AP5M1: variants seen among roughly 807,000 people sequenced by gnomAD.
The protein encoded by AP5M1 is adaptor related protein complex 5 subunit mu 1.
A neutral mutation model predicts 52.3 loss-of-function variants in AP5M1; 44 were observed. That is an observed-to-expected ratio of 0.84 (90% CI 0.66 to 1.08). The LOEUF is 1.08. AP5M1 is among the 50% of genes least tolerant of loss of function. The probability of loss-of-function intolerance (pLI) is 0.00; values close to 1 mark genes in which losing one functional copy is unlikely to be tolerated. For synonymous variants in AP5M1, 213 were observed against 199.0 expected (o/e 1.07, Z -0.59); for missense variants, 526 against 568.4 (o/e 0.93, Z 0.76).
At position 57,291,913 on chromosome 14, in the gene AP5M1, G is replaced by T. The variant is rs775472802; in HGVS notation, c.*3029G>T. On this transcript the variant is annotated 3_prime_UTR_variant, in exon 8 of 8. Transcript: ENST00000261558. Reference sequence around the variant, plus strand: ...TAGGGACTGCTGCCACAACAGAGTGGTTGTTCCTAAGACAAAGGTCAAAAA... The same window carrying T: ...TAGGGACTGCTGCCACAACAGAGTGTTTGTTCCTAAGACAAAGGTCAAAAA... 2.6e-5 allele frequency: 4 copies of T among 151,750 alleles called. No homozygotes were observed. The highest frequency in any genetic ancestry group is 5.9e-5 in the Non-Finnish European group (4 of 67,804). 9.4% of individuals were successfully genotyped at this position (151,750 alleles called of 1,614,324 possible).
chr14:57,277,660 T>C (rs1387905664), intron 2 of AP5M1, among the ~76,000 whole-genome samples: 3 of 149,520 alleles, frequency 2.0e-5, no homozygotes, highest in East Asian at 1.9e-4. Flanking sequence ...AGTACTTACA[T>C]TGTAAAGCAG....
At chr14:57,275,054 C>G (rs755900370) in intron 2 of AP5M1, 165 bp downstream of exon 2, 4 of 696,738 alleles carry the variant, frequency 5.7e-6, no homozygotes, top group East Asian at 5.4e-5. Context: ...GCATTCCTTA[C>G]CAATTATATT....
intron 4 of AP5M1, 69 bp downstream of exon 4, chr14:57,282,297 TTG>T (rs568916914): frequency 1.4e-5 from 17 of 1,213,494 alleles, no homozygotes; most frequent in Non-Finnish European, 1.9e-5. Context: ...CCACAGTAAA[TTG>T]TCTTTGTCTT....
rs1209432971 is a variant in AP5M1, at chr14:57,283,125, A to C, written c.1188A>C (p.Pro396=). ...LLIWIIGQKF[P]KSMEISLSGT... is the part of the protein sequence containing the mutation. ...TTTGTGTTTTAGGCCAGAAGTTCCC[A>C]AAATCAATGGAAATTAGTCTTTCTG... Residue 396 remains proline, a synonymous_variant, in exon 6 of 8, where the codon CCA becomes CCC. Transcript: ENST00000261558. The C allele has an allele frequency of 6.2e-7, 1 of 1,612,088 alleles. No homozygotes were observed. Among genetic ancestry groups the C allele is most frequent in the East Asian group, 2.2e-5 (1 of 44,828 alleles).
chr14:57,275,115 T>C, intron 2 of AP5M1: 1 of 557,068 alleles, frequency 1.8e-6, no homozygotes, highest in Non-Finnish European at 3.1e-6. Flanking sequence ...AAAATAGACA[T>C]TTATTATTTT....
intron 7 of AP5M1, among the ~76,000 whole-genome samples, chr14:57,287,984 C>T (rs772862741): frequency 2.0e-5 from 3 of 151,954 alleles, no homozygotes; most frequent in Non-Finnish European, 4.4e-5. Flanking sequence ...GGCAGAACTG[C>T]GAGTCAGATA....
Position 57,297,955 on chromosome 14 carries a change from T to G in AP5M1, c.*9071T>G, listed in dbSNP as rs1885586529. ...CTGCGATTGCCATCTTTAGCACTTT[T>G]CAGAGAATTTGTTGCCATTTATGAC... is the stretch of plus-strand genomic sequence containing the variant. On this transcript the variant is annotated 3_prime_UTR_variant, in exon 8 of 8. Coordinates refer to ENST00000261558, the MANE Select transcript of AP5M1 (RefSeq NM_018229.4). The G allele has an allele frequency of 6.6e-6, 1 of 152,180 alleles. No individual in the cohort carries two copies. Among genetic ancestry groups the G allele is most frequent in the Non-Finnish European group, 1.5e-5 (1 of 68,040 alleles). The allele number at this position is 152,180 out of a possible 1,614,324, so 9.4% of individuals were successfully genotyped here.
Position 57,290,033 on chromosome 14 carries a change from A to G in AP5M1, c.*1149A>G, listed in dbSNP as rs1342431349. On this transcript the variant is annotated 3_prime_UTR_variant, in exon 8 of 8. Coordinates refer to ENST00000261558, the MANE Select transcript of AP5M1 (RefSeq NM_018229.4). The stretch of plus-strand genomic sequence containing the variant: ...AAAACTTCATTCATGTCTTTTTACA[A>G]ATGAGAAAAAAAAATGCATTAAAGA... The G allele has an allele frequency of 6.6e-6, 1 of 151,786 alleles. No individual in the cohort carries two copies. 9.4% of individuals were successfully genotyped at this position (151,786 alleles called of 1,614,324 possible).
intron 1 of AP5M1, chr14:57,273,773 T>G: frequency 1.4e-6 from 1 of 700,992 alleles, no homozygotes; most frequent in South Asian, 1.5e-5. Context: ...GAACATTCCT[T>G]TTAAAATTGT....
chr14:57,274,083 A>G (rs75773033), intron 1 of AP5M1, among the ~76,000 whole-genome samples, 161 bp from the exon 2 acceptor site: 2 of 152,226 alleles, frequency 1.3e-5, no homozygotes, highest in East Asian at 3.9e-4. Context: ...GGTCATTATA[A>G]TTTTTTGGTT....
chr14:57,275,875 A>G (rs1336682135), intron 2 of AP5M1, among the ~76,000 whole-genome samples: 3 of 152,226 alleles, frequency 2.0e-5, no homozygotes, highest in Non-Finnish European at 4.4e-5. Context: ...TCCTCCAGGT[A>G]AACTTCCTAC....
In AP5M1 at chr14:57,295,717, A is replaced by G. The variant is rs1885537271; in HGVS notation, c.*6833A>G. 1 of 138,414 alleles carries G rather than the reference A, an allele frequency of 7.2e-6. No homozygotes were observed. The highest frequency in any genetic ancestry group is 7.1e-5 in the Admixed American group (1 of 14,042). 8.6% of individuals were successfully genotyped at this position (138,414 alleles called of 1,614,324 possible). On this transcript the variant is annotated 3_prime_UTR_variant, in exon 8 of 8. Transcript: ENST00000261558. ...TTGTCTCTAGGAAATATATTCCATT[A>G]AAAAAAAAAAGAAAGAAACTCATTT...
chr14:57,285,180 A>G (rs1885277965), intron 6 of AP5M1, among the ~76,000 whole-genome samples: 1 of 152,220 alleles, frequency 6.6e-6, no homozygotes, highest in South Asian at 2.1e-4. Context: ...TCAGAAGTAT[A>G]CTGATGATAA....
At chr14:57,277,375 A>C (rs1885065746) in intron 2 of AP5M1, among the ~76,000 whole-genome samples, 1 of 152,172 alleles carries the variant, frequency 6.6e-6, no homozygotes, top group African/African-American at 2.4e-5. Flanking sequence ...AATATTATTA[A>C]ATTTTAATGG....
In AP5M1 at chr14:57,295,822, AAAT is replaced by A. The variant is rs1885540210; in HGVS notation, c.*6944_*6946del. On this transcript the variant is annotated 3_prime_UTR_variant, in exon 8 of 8. Transcript: ENST00000261558. ...CCTCCCAGAAGCTGCAATACATAAG[AAAT>A]AATAAGCTGAAAATAATCAAAAAAT... 6.6e-6 allele frequency: 1 copy of A among 152,090 alleles called. No individual in the cohort carries two copies. Among genetic ancestry groups the A allele is most frequent in the Middle Eastern group, 3.4e-3 (1 of 294 alleles). The allele number at this position is 152,090 out of a possible 1,614,324, so 9.4% of individuals were successfully genotyped here. A position where few individuals can be genotyped will look rare whatever the true frequency, so the allele number is the denominator to read the frequency against.
intron 1 of AP5M1, among the ~76,000 whole-genome samples, chr14:57,269,644 C>T (rs1884828549): frequency 6.6e-6 from 1 of 152,078 alleles, no homozygotes; most frequent in Non-Finnish European, 1.5e-5. Context: ...TTAAAATGAC[C>T]TCCGTCTGCT....
At position 57,274,887 on chromosome 14, in the gene AP5M1, A is replaced by G. The variant is rs1884987322; in HGVS notation, c.718A>G (p.Lys240Glu). Reference sequence around the variant, plus strand: ...GCAAGTTGTTGGAACAGTGACTTGCAAGGTGAGATTTTTCTCTGGTACTTG... The same window carrying G: ...GCAAGTTGTTGGAACAGTGACTTGCGAGGTGAGATTTTTCTCTGGTACTTG... ...TWQVVGTVTC[K>E]CDLEGIMPNV... Residue 240 changes from lysine to glutamate, a missense_variant and splice_region_variant, in exon 2 of 8, where the codon AAG becomes GAG. Around this residue, in one of 3 missense-constraint regions of AP5M1, gnomAD observed 425 missense variants for 430.6 expected, o/e 0.99. Coordinates refer to ENST00000261558, the MANE Select transcript of AP5M1 (RefSeq NM_018229.4). 1.2e-6 allele frequency: 2 copies of G among 1,614,156 alleles called. No homozygotes were observed. Among genetic ancestry groups the G allele is most frequent in the Admixed American group, 3.3e-5 (2 of 60,026 alleles).
chr14:57,272,277 G>A lies in AP5M1; in HGVS notation c.75-1967G>A, dbSNP rs1884913470. Reference sequence around the variant, plus strand: ...TATTTTCAGTTTTCTAACCTCTTGGGGGAGGTGTTAGAGCTACACAGATAG... The same window carrying A: ...TATTTTCAGTTTTCTAACCTCTTGGAGGAGGTGTTAGAGCTACACAGATAG... On this transcript the variant is annotated intron_variant, in intron 1 of 7. Coordinates refer to ENST00000261558, the MANE Select transcript of AP5M1 (RefSeq NM_018229.4). 4.6e-5 allele frequency among the ~76,000 whole-genome samples: 7 copies of A among 152,138 alleles called. No individual in the cohort carries two copies. In the South Asian group the frequency reaches 1.5e-3, roughly 32 times the overall value.
At chr14:57,279,361 G>T (rs1034571296) in intron 2 of AP5M1, among the ~76,000 whole-genome samples, 3 of 152,196 alleles carry the variant, frequency 2.0e-5, no homozygotes, top group African/African-American at 7.2e-5. Context: ...AAAAAGGAAT[G>T]AGATCATGTC....
Sources: gnomAD v4.1 joint callset for allele counts (sites outside exome capture counted in the v4.1 genomes callset) on GRCh38, gnomAD v4.1.1 for gene constraint, gnomAD v4.1.1 regional missense constraint, MANE v1.5 for transcripts, NCBI Gene and HGNC (gene_info 2026-07-23, HGNC 2026-07-21) for gene names.